Variants in BICC1 observed in about 807,000 individuals in gnomAD.
BICC1 encodes BicC family RNA binding protein 1.
In BICC1, 43 loss-of-function variants were observed where a neutral mutation model predicts 111.0. The observed-to-expected ratio is 0.39, with a 90% CI of 0.30 to 0.50. The LOEUF (loss-of-function observed/expected upper bound fraction) is 0.50, where lower values mean the gene tolerates loss of function less well. BICC1 is among the 20% of genes least tolerant of loss of function. BICC1 has a pLI of 0.88. For missense variants in BICC1, 1,091 were observed against 1,203.2 expected (o/e 0.91, Z 1.38); for synonymous variants, 467 against 434.4 (o/e 1.07, Z -0.93).
chr10:58,516,546 G>A (rs1842247669), intron 1 of BICC1, among the ~76,000 whole-genome samples: 1 of 152,060 alleles, frequency 6.6e-6, no homozygotes, highest in Admixed American at 6.6e-5. Context: ...CAACCATGCA[G>A]AGTATCTGAT....
At chr10:58,622,029 CA>C (rs1245759863) in intron 2 of BICC1, among the ~76,000 whole-genome samples, 1 of 151,200 alleles carries the variant, frequency 6.6e-6, no homozygotes, top group Non-Finnish European at 1.5e-5. Flanking sequence ...ACAAAAAACC[CA>C]AATTAGCCAG....
chr10:58,627,093 A>G (rs1837655909), intron 2 of BICC1, among the ~76,000 whole-genome samples: 1 of 151,842 alleles, frequency 6.6e-6, no homozygotes, highest in Non-Finnish European at 1.5e-5. Context: ...CAAGAGCAAA[A>G]CTCCATCTCA....
At chr10:58,740,593 G>A (rs528994241) in intron 3 of BICC1, among the ~76,000 whole-genome samples, 1 of 151,798 alleles carries the variant, frequency 6.6e-6, no homozygotes, top group Non-Finnish European at 1.5e-5. Context: ...CTTGGATTTG[G>A]GTGAAAAGAA....
intron 3 of BICC1, among the ~76,000 whole-genome samples, chr10:58,720,891 G>A (rs1840918329): frequency 6.6e-6 from 1 of 152,186 alleles, no homozygotes; most frequent in African/African-American, 2.4e-5. Flanking sequence ...TAAGAGCAAG[G>A]AATTGGGTGG....
intron 3 of BICC1, among the ~76,000 whole-genome samples, chr10:58,756,247 G>A (rs948540272): frequency 6.6e-6 from 1 of 151,398 alleles, no homozygotes; most frequent in Non-Finnish European, 1.5e-5. Flanking sequence ...AGCTGGAAAG[G>A]CTTTTTTTTG....
At chr10:58,703,510 A>AT (rs1840301313) in intron 3 of BICC1, among the ~76,000 whole-genome samples, 1 of 152,148 alleles carries the variant, frequency 6.6e-6, no homozygotes. Context: ...TTGGGAACTT[A>AT]TATGCTAAAT....
At chr10:58,661,837 T>G (rs1838854422) in intron 2 of BICC1, among the ~76,000 whole-genome samples, 1 of 152,158 alleles carries the variant, frequency 6.6e-6, no homozygotes, top group Admixed American at 6.5e-5. Flanking sequence ...TTTTAACATA[T>G]GAGGCATTGA....
chr10:58,684,984 C>G (rs2132381572), intron 2 of BICC1, among the ~76,000 whole-genome samples: 1 of 152,270 alleles, frequency 6.6e-6, no homozygotes, highest in East Asian at 1.9e-4. Flanking sequence ...TCAGATCTTT[C>G]CTGCTTTCTC....
At chr10:58,606,329 C>T (rs568555426) in intron 1 of BICC1, among the ~76,000 whole-genome samples, 276 of 149,510 alleles carry the variant, frequency 1.8e-3, no homozygotes, top group Non-Finnish European at 2.8e-3. Context: ...TGCAACTTAG[C>T]GTGCCTGAAA....
rs571598035 is a variant in BICC1, at chr10:58,586,350, A to G, written c.191-34505A>G. 2.6e-5 allele frequency among the ~76,000 whole-genome samples: 4 copies of G among 152,314 alleles called. No homozygotes were observed. The South Asian group carries it at 6.2e-4, about 24-fold the overall frequency. On this transcript the variant is annotated intron_variant, in intron 1 of 20. Coordinates refer to ENST00000373886, the MANE Select transcript of BICC1 (RefSeq NM_001080512.3). ...TATGAAGTCAAGCTCTACAAGTTGC[A>G]TGTTCTTGGTAATCTCTTACTGACT...
intron 1 of BICC1, among the ~76,000 whole-genome samples, chr10:58,514,679 CT>C (rs1842193807): frequency 2.7e-5 from 1 of 37,644 alleles, no homozygotes; most frequent in African/African-American, 1.6e-4. Context: ...CCCCTTCCCT[CT>C]CTTTTTTTCT....
At chr10:58,785,279 A>G (rs1034397630) in intron 4 of BICC1, among the ~76,000 whole-genome samples, 199 bp downstream of exon 4, 1 of 152,140 alleles carries the variant, frequency 6.6e-6, no homozygotes, top group African/African-American at 2.4e-5. Flanking sequence ...GAGTAATTGA[A>G]CTATACATAC....
At chr10:58,701,066 C>T (rs149619178) in intron 2 of BICC1, among the ~76,000 whole-genome samples, 3 of 152,238 alleles carry the variant, frequency 2.0e-5, no homozygotes, top group East Asian at 1.9e-4. Context: ...GTGCCCGGTA[C>T]GTAGCCAGTA....
Position 58,681,254 on chromosome 10 carries a change from T to G in BICC1, c.238-20820T>G, listed in dbSNP as rs142802204. Among the ~76,000 whole-genome samples, 1,516 of 152,252 alleles carry G rather than the reference T, an allele frequency of 1.0e-2. 25 individuals carry two copies. The highest frequency in any genetic ancestry group is 0.035 in the African/African-American group (1,451 of 41,532). On this transcript the variant is annotated intron_variant, in intron 2 of 20. Transcript: ENST00000373886. The stretch of plus-strand genomic sequence containing the variant: ...GCAACCTACAGAATGGGAGAAAATT[T>G]TTGCAATCTATCCATCTGACAAAGG...
chr10:58,667,239 G>T (rs982118224), intron 2 of BICC1, among the ~76,000 whole-genome samples: 5 of 151,998 alleles, frequency 3.3e-5, no homozygotes, highest in African/African-American at 1.2e-4. Flanking sequence ...AAGCTAATTT[G>T]TAAAGAATGA....
intron 3 of BICC1, among the ~76,000 whole-genome samples, chr10:58,712,193 A>G (rs900555338): frequency 6.6e-6 from 1 of 152,160 alleles, no homozygotes; most frequent in Non-Finnish European, 1.5e-5. Flanking sequence ...CCAAACACTG[A>G]CAACACCAAA....
At chr10:58,825,243 G>A (rs1426335411) in intron 20 of BICC1, among the ~76,000 whole-genome samples, 4 of 152,098 alleles carry the variant, frequency 2.6e-5, no homozygotes, top group Non-Finnish European at 4.4e-5. Context: ...TGGGGGCTGT[G>A]GCTTAATACA....
At chr10:58,805,935 A>G (rs1340210174) in intron 15 of BICC1, among the ~76,000 whole-genome samples, 1 of 152,202 alleles carries the variant, frequency 6.6e-6, no homozygotes, top group Non-Finnish European at 1.5e-5. Context: ...GTAGTTACTC[A>G]TTCAGTTTTA....
At chr10:58,638,179 G>A (rs1049974439) in intron 2 of BICC1, among the ~76,000 whole-genome samples, 1 of 152,098 alleles carries the variant, frequency 6.6e-6, no homozygotes, top group African/African-American at 2.4e-5. Flanking sequence ...GCTGGAAATA[G>A]TGACTTATTA....
Sources: allele counts gnomAD v4.1 joint callset (sites outside exome capture counted in the v4.1 genomes callset), GRCh38; gene constraint gnomAD v4.1.1; transcripts MANE v1.5; gene names NCBI Gene and HGNC (gene_info 2026-07-23, HGNC 2026-07-21).